C10orf90: variants seen among roughly 807,000 people sequenced by gnomAD.
C10orf90 encodes the protein (E2-independent) E3 ubiquitin-conjugating enzyme FATS.
A neutral mutation model predicts 62.5 loss-of-function variants in C10orf90; 56 were observed. That is an observed-to-expected ratio of 0.90 (90% CI 0.72 to 1.12). The LOEUF (loss-of-function observed/expected upper bound fraction) is 1.12, where lower values mean the gene tolerates loss of function less well. C10orf90 is among the 50% of genes most tolerant of loss of function. The pLI is 0.00. For synonymous variants in C10orf90, 386 were observed against 340.4 expected, an observed-to-expected ratio of 1.13 and a Z score of -1.47; for missense variants, 970 against 880.4, an observed-to-expected ratio of 1.10 and a Z score of -1.29.
chr10:126,522,560 T>A (rs1863792083), intron 2 of C10orf90, among the ~76,000 whole-genome samples: 1 of 152,242 alleles, frequency 6.6e-6, no homozygotes, highest in South Asian at 2.1e-4. Flanking sequence ...GTCTCCGTCA[T>A]GTCATAATGG....
chr10:126,577,783 T>C (rs1470120296), intron 2 of C10orf90, among the ~76,000 whole-genome samples: 1 of 152,092 alleles, frequency 6.6e-6, no homozygotes, highest in Admixed American at 6.5e-5. Flanking sequence ...AGTGTAATAC[T>C]AATGAAAGAA....
intron 2 of C10orf90, among the ~76,000 whole-genome samples, chr10:126,593,834 G>T (rs565789510): frequency 6.6e-6 from 1 of 152,230 alleles, no homozygotes; most frequent in East Asian, 1.9e-4. Context: ...AGGAGTCAGG[G>T]GCTGAGGGTG....
At chr10:126,565,599 G>A (rs1016624515) in intron 2 of C10orf90, among the ~76,000 whole-genome samples, 113 of 150,678 alleles carry the variant, frequency 7.5e-4, no homozygotes, top group African/African-American at 2.6e-3. Flanking sequence ...GAGAAACTTC[G>A]CACTCTGCGG....
chr10:126,646,712 TA>T (rs1846180039), intron 1 of C10orf90, 75 bp from the exon 2 acceptor site: 3 of 319,370 alleles, frequency 9.4e-6, no homozygotes, highest in Middle Eastern at 6.9e-4. Context: ...TAATGTACAT[TA>T]TTTTTTTAAT....
rs1434151375 is a variant in C10orf90, at chr10:126,504,873, G to T, written c.618C>A (p.Ile206=). 12 of 1,613,636 alleles carry T rather than the reference G, an allele frequency of 7.4e-6. No homozygotes were observed. The highest frequency in any genetic ancestry group is 1.6e-4 in the Middle Eastern group (1 of 6,082). The change falls in exon 4 of 10, where the codon ATC becomes ATA. Residue 206 remains isoleucine (I), a synonymous_variant. Transcript: ENST00000488181. This position sits in a 1 kb window ranked among gnomAD's most constrained non-coding sequence, Gnocchi z 4.1. The stretch of plus-strand genomic sequence containing the variant: ...GTCCTCGCTCATCTGACGGTGCCGG[G>T]ATTCCTAATCTGCCCGGAAGTAACG... The part of the protein sequence containing the change: ...AFALLPGRLG[I]PAPSDERGPE...
At chr10:126,477,329 A>T (rs1860945166) in intron 4 of C10orf90, among the ~76,000 whole-genome samples, 1 of 151,112 alleles carries the variant, frequency 6.6e-6, no homozygotes. Flanking sequence ...AAAAAAAGAT[A>T]GTTGATTTCT....
At chr10:126,535,626 T>C (rs921003113) in intron 2 of C10orf90, among the ~76,000 whole-genome samples, 53 of 152,066 alleles carry the variant, frequency 3.5e-4, no homozygotes, top group African/African-American at 1.3e-3. Context: ...ACATGTACCC[T>C]AGAACTTAAT....
chr10:126,542,984 C>T (rs1407070103), intron 2 of C10orf90, among the ~76,000 whole-genome samples: 2 of 152,100 alleles, frequency 1.3e-5, no homozygotes, highest in Non-Finnish European at 2.9e-5. Context: ...ATTTTAAAAA[C>T]TGTCAAATGT....
rs563772639 is a variant in C10orf90, at chr10:126,507,096, G to A, written c.406-2011C>T. Reference sequence around the variant, plus strand: ...CATGGGGCTGGGTGCGGTGGCTCACGCCTGTAATCCCAGCACTTTGGGAGG... The same window carrying A: ...CATGGGGCTGGGTGCGGTGGCTCACACCTGTAATCCCAGCACTTTGGGAGG... On this transcript the variant is annotated intron_variant, in intron 3 of 9. Transcript: ENST00000488181. 3.3e-4 allele frequency among the ~76,000 whole-genome samples: 50 copies of A among 152,240 alleles called. 2 individuals carry two copies. In the South Asian group the frequency reaches 8.1e-3, roughly 25 times the overall value.
Position 126,640,765 on chromosome 10 carries a change from C to T in C10orf90, c.313+5800G>A, listed in dbSNP as rs74158855. Among the ~76,000 whole-genome samples the T allele has an allele frequency of 3.4e-3, 512 of 152,218 alleles. 3 individuals carry two copies. The highest frequency in any genetic ancestry group is 0.012 in the African/African-American group (498 of 41,536). ...GCAAGGGCTGGGTGCAGAGCACTTG[C>T]GAGGCCATGGACCTGGAGAAAAACC... is the stretch of plus-strand genomic sequence containing the variant. On this transcript the variant is annotated intron_variant, in intron 2 of 9. Transcript: ENST00000488181.
intron 1 of C10orf90, among the ~76,000 whole-genome samples, chr10:126,660,314 A>G (rs1846482932): frequency 6.6e-6 from 1 of 152,238 alleles, no homozygotes; most frequent in African/African-American, 2.4e-5. Flanking sequence ...AAGGGAGATT[A>G]TATCAGACAG....
intron 2 of C10orf90, among the ~76,000 whole-genome samples, chr10:126,581,772 A>C (rs1844757214): frequency 6.6e-6 from 1 of 152,182 alleles, no homozygotes; most frequent in Non-Finnish European, 1.5e-5. Flanking sequence ...AACAGAAAAA[A>C]AACTATGTTT....
intron 7 of C10orf90, among the ~76,000 whole-genome samples, chr10:126,445,849 T>C (rs1422751721): frequency 6.9e-6 from 1 of 144,810 alleles, no homozygotes; most frequent in Non-Finnish European, 1.5e-5. Context: ...TACTCAGCCA[T>C]AAAAAGGAAT....
rs986702260 is a variant in C10orf90 at position 126,456,884 on chromosome 10, C to A, written c.2188+2156G>T. 6.6e-6 allele frequency among the ~76,000 whole-genome samples: 1 copy of A among 152,196 alleles called. No homozygotes were observed. Among genetic ancestry groups the A allele is most frequent in the Non-Finnish European group, 1.5e-5 (1 of 68,032 alleles). ...GCTGGACACGGGATTGACCACTGAG[C>A]CTCTAGAAAGTAACCAACCCTGTGG... On this transcript the variant is annotated intron_variant, in intron 7 of 9. Coordinates refer to ENST00000488181, the MANE Select transcript of C10orf90 (RefSeq NM_001350921.2). This position sits in a 1 kb window ranked among gnomAD's most constrained non-coding sequence, Gnocchi z 4.9.
At chr10:126,510,400 A>G (rs1282873839) in intron 3 of C10orf90, among the ~76,000 whole-genome samples, 2 of 152,204 alleles carry the variant, frequency 1.3e-5, no homozygotes, top group African/African-American at 4.8e-5. Context: ...TACACCAAAT[A>G]TCTTCTCAAA....
intron 1 of C10orf90, among the ~76,000 whole-genome samples, chr10:126,667,176 A>T (rs1846647697): frequency 6.6e-6 from 1 of 151,256 alleles, no homozygotes; most frequent in Non-Finnish European, 1.5e-5. Flanking sequence ...CTCCTGCCTC[A>T]GCCTCCCGAG....
At chr10:126,507,146 A>T (rs943746301) in intron 3 of C10orf90, among the ~76,000 whole-genome samples, 2 of 152,180 alleles carry the variant, frequency 1.3e-5, no homozygotes, top group African/African-American at 2.4e-5. Flanking sequence ...TCATGAGGTC[A>T]GGAGATTAAG....
intron 4 of C10orf90, among the ~76,000 whole-genome samples, chr10:126,490,050 T>TAATATATAATA (rs1460973284): frequency 3.2e-5 from 3 of 94,802 alleles, no homozygotes; most frequent in African/African-American, 1.1e-4. Context: ...ATATTATATA[T>TAATATATAATA]TATGTTATAT....
At chr10:126,442,478 C>CATATATAT (rs55780866) in intron 7 of C10orf90, among the ~76,000 whole-genome samples, 444 of 33,776 alleles carry the variant, frequency 0.013, 50 homozygotes, top group African/African-American at 0.02. Context: ...TTCAATATTT[C>CATATATAT]ATATATATAT....
Sources: gnomAD v4.1 joint callset for allele counts (sites outside exome capture counted in the v4.1 genomes callset) on GRCh38, gnomAD v4.1.1 for gene constraint, Gnocchi (gnomAD v3.1) non-coding constraint, MANE v1.5 for transcripts, NCBI Gene and HGNC (gene_info 2026-07-23, HGNC 2026-07-21) for gene names.